The following CA10 variants were observed in gnomAD, a reference collection of about 807,000 sequenced individuals.
CA10 encodes carbonic anhydrase-related protein 10.
Under a neutral mutation model 44.2 loss-of-function variants are expected in CA10, and 14 were observed. The ratio of observed to expected loss-of-function variants is 0.32; its 90% CI spans 0.21 to 0.50. The LOEUF is 0.50. Among genes scored for constraint, CA10 ranks in the 20% least tolerant of loss-of-function variants. CA10 has a pLI of 0.99. For synonymous variants in CA10, 159 were observed against 141.6 expected (o/e 1.12, Z -0.87); for missense variants, 350 against 409.7 (o/e 0.85, Z 1.26).
intron 1 of CA10, among the ~76,000 whole-genome samples, chr17:52,087,887 T>C (rs1185891395): frequency 6.6e-6 from 1 of 152,166 alleles, no homozygotes; most frequent in African/African-American, 2.4e-5. Flanking sequence ...AAGCCAACAC[T>C]ATGAGGTCTC....
chr17:51,637,852 C>T (rs181116572), intron 6 of CA10, among the ~76,000 whole-genome samples: 14 of 152,336 alleles, frequency 9.2e-5, no homozygotes, highest in African/African-American at 3.1e-4. Context: ...TTCACTAGAA[C>T]CTCTTTGTGC....
At chr17:52,060,604 T>C (rs1312278420) in intron 2 of CA10, among the ~76,000 whole-genome samples, 1 of 152,204 alleles carries the variant, frequency 6.6e-6, no homozygotes, top group Non-Finnish European at 1.5e-5. Context: ...GGAAAGGCTT[T>C]CTAAAATGTA....
intron 1 of CA10, among the ~76,000 whole-genome samples, chr17:52,104,182 T>C (rs77100538): frequency 0.019 from 2,695 of 144,274 alleles, 34 homozygotes; most frequent in South Asian, 0.052. Context: ...TCATCACACC[T>C]CCTGCCTTTT....
chr17:51,951,556 A>G lies in CA10; in HGVS notation c.137-20424T>C, dbSNP rs192322659. ...TTACAGCAAAGAGCTAACTCAAAAG[A>G]AAATGATTTTTTAAAAAAATGACAA... On this transcript the variant is annotated intron_variant, in intron 2 of 8. Transcript: ENST00000451037. 1.9e-3 allele frequency among the ~76,000 whole-genome samples: 284 copies of G among 152,308 alleles called. 2 individuals are homozygous for G. Among genetic ancestry groups the G allele is most frequent in the Middle Eastern group, 3.4e-3 (1 of 294 alleles).
chr17:51,686,980 T>C (rs1055026873), intron 4 of CA10, among the ~76,000 whole-genome samples: 3 of 152,186 alleles, frequency 2.0e-5, no homozygotes, highest in African/African-American at 2.4e-5. Context: ...TTTTGGCTCT[T>C]CTCTACTCAC....
intron 3 of CA10, among the ~76,000 whole-genome samples, chr17:51,879,365 C>T (rs1980258548): frequency 6.6e-6 from 1 of 152,106 alleles, no homozygotes; most frequent in Non-Finnish European, 1.5e-5. Flanking sequence ...TAATTATTTT[C>T]TTCTTCTACT....
chr17:52,029,792 A>T (rs72834292), intron 2 of CA10, among the ~76,000 whole-genome samples: 1 of 152,328 alleles, frequency 6.6e-6, no homozygotes, highest in Non-Finnish European at 1.5e-5. Flanking sequence ...CAAATATTCT[A>T]AGAAACTTAT....
chr17:51,698,936 G>A (rs1213361527), intron 4 of CA10, among the ~76,000 whole-genome samples: 1 of 152,096 alleles, frequency 6.6e-6, no homozygotes, highest in Admixed American at 6.5e-5. Flanking sequence ...CCATTCATCT[G>A]TTCATGAACA....
intron 1 of CA10, among the ~76,000 whole-genome samples, chr17:52,078,953 C>T (rs955699698): frequency 6.6e-6 from 1 of 152,142 alleles, no homozygotes; most frequent in Non-Finnish European, 1.5e-5. Flanking sequence ...TCCACCTAAC[C>T]GTAACCTTCC....
At chr17:52,129,949 C>A (rs576568433) in intron 1 of CA10, among the ~76,000 whole-genome samples, 129 of 152,142 alleles carry the variant, frequency 8.5e-4, no homozygotes, top group Non-Finnish European at 1.6e-3. Flanking sequence ...ACAAGAAACT[C>A]AATAGTAATA....
chr17:51,860,151 A>G (rs1979237144), intron 3 of CA10, among the ~76,000 whole-genome samples: 1 of 151,998 alleles, frequency 6.6e-6, no homozygotes, highest in Admixed American at 6.6e-5. Context: ...ATTCCTGGAA[A>G]CCCTTTCTCC....
At chr17:51,834,857 C>T (rs1425428111) in intron 3 of CA10, among the ~76,000 whole-genome samples, 1 of 152,150 alleles carries the variant, frequency 6.6e-6, no homozygotes, top group Non-Finnish European at 1.5e-5. Context: ...TGGCAACCAT[C>T]CTAGTGTCAT....
intron 2 of CA10, among the ~76,000 whole-genome samples, chr17:52,012,827 A>T (rs1419089516): frequency 7.9e-5 from 3 of 37,962 alleles, no homozygotes; most frequent in Non-Finnish European, 1.2e-4. Flanking sequence ...TGTTAATTAT[A>T]AAAAAAAAAA....
chr17:51,769,626 G>A (rs1291129196), intron 3 of CA10, among the ~76,000 whole-genome samples: 1 of 152,180 alleles, frequency 6.6e-6, no homozygotes. Flanking sequence ...TAAATCCTAT[G>A]AGACCAGCAC....
Position 51,849,157 on chromosome 17 carries a change from ATATATG to A in CA10, c.279+81827_279+81832del, listed in dbSNP as rs1384464844. Among the ~76,000 whole-genome samples, 47 of 122,598 alleles carry A rather than the reference ATATATG, an allele frequency of 3.8e-4. 1 individual carries two copies. Among genetic ancestry groups the A allele is most frequent in the African/African-American group, 1.3e-3 (44 of 32,994 alleles). The allele number at this position is 122,598 out of a possible 152,430, so 80.4% of individuals were successfully genotyped here. On this transcript the variant is annotated intron_variant, in intron 3 of 8. Coordinates refer to ENST00000451037, the MANE Select transcript of CA10 (RefSeq NM_020178.5). ...AAAACTTAGTTTTTTATATATATAC[ATATATG>A]TATATATATATACATATATGTATAT...
Position 51,905,019 on chromosome 17 carries a change from C to T in CA10, c.279+25971G>A, listed in dbSNP as rs546430857. Among the ~76,000 whole-genome samples the T allele has an allele frequency of 5.1e-4, 78 of 152,240 alleles. No individual in the cohort carries two copies. The South Asian group carries it at 8.5e-3, about 17-fold the overall frequency. Reference sequence around the variant, plus strand: ...TCCCAACCTCCTAAGGTGGCTGCTTCGTTTGCTCTCACATTCAGCACGATA... The same window carrying T: ...TCCCAACCTCCTAAGGTGGCTGCTTTGTTTGCTCTCACATTCAGCACGATA... On this transcript the variant is annotated intron_variant, in intron 3 of 8. Transcript: ENST00000451037.
intron 2 of CA10, among the ~76,000 whole-genome samples, chr17:51,948,574 C>T (rs1413596528): frequency 2.0e-5 from 3 of 152,118 alleles, no homozygotes; most frequent in East Asian, 1.9e-4. Context: ...CTGTGCTCTC[C>T]GATGCTCAGC....
intron 2 of CA10, among the ~76,000 whole-genome samples, chr17:52,036,429 G>A (rs916165193): frequency 5.9e-5 from 9 of 152,206 alleles, no homozygotes; most frequent in Non-Finnish European, 1.3e-4. Context: ...AGATGATACA[G>A]TATGTAAGAC....
chr17:51,779,049 C>T (rs991331503), intron 3 of CA10, among the ~76,000 whole-genome samples: 6 of 152,070 alleles, frequency 3.9e-5, no homozygotes, highest in African/African-American at 7.2e-5. Flanking sequence ...CTGGGGACTG[C>T]GAAGAAACAG....
Sources: allele counts gnomAD v4.1 joint callset (sites outside exome capture counted in the v4.1 genomes callset), GRCh38; gene constraint gnomAD v4.1.1; transcripts MANE v1.5; gene names NCBI Gene and HGNC (gene_info 2026-07-23, HGNC 2026-07-21).